The following RAB3GAP2 variants were observed in gnomAD, a reference collection of about 807,000 sequenced individuals.
RAB3GAP2 encodes RAB3 GTPase activating non-catalytic protein subunit 2.
A neutral mutation model predicts 185.3 loss-of-function variants in RAB3GAP2; 87 were observed. The ratio of observed to expected loss-of-function variants is 0.47; its 90% CI spans 0.39 to 0.56. The LOEUF is 0.56. RAB3GAP2 is among the 20% of genes least tolerant of loss of function. The pLI, the probability that RAB3GAP2 is intolerant of heterozygous loss-of-function variation, is 0.00. For missense variants in RAB3GAP2, 1,492 were observed against 1,638.2 expected, an observed-to-expected ratio of 0.91 and a Z score of 1.54; for synonymous variants, 554 against 576.1, an observed-to-expected ratio of 0.96 and a Z score of 0.55.
chr1:220,170,308 C>T (rs554355126), intron 24 of RAB3GAP2, among the ~76,000 whole-genome samples: 32 of 152,202 alleles, frequency 2.1e-4, no homozygotes, highest in African/African-American at 7.7e-4. Context: ...AGGAGAAATA[C>T]CTAATGTCGA....
At chr1:220,244,681 C>G (rs1659763494) in intron 1 of RAB3GAP2, among the ~76,000 whole-genome samples, 1 of 152,154 alleles carries the variant, frequency 6.6e-6, no homozygotes, top group Admixed American at 6.5e-5. Context: ...GTTACCCAAA[C>G]AGCATGGTAC....
intron 21 of RAB3GAP2, 136 bp from the exon 22 acceptor site, chr1:220,172,878 G>A: frequency 1.5e-6 from 1 of 672,178 alleles, no homozygotes; most frequent in East Asian, 2.7e-5. Context: ...GTTGCTTGCT[G>A]TATCATGTAA....
chr1:220,254,600 A>G lies in RAB3GAP2; in HGVS notation c.115+17623T>C, dbSNP rs868031511. The G allele has an allele frequency of 1.5e-4, 196 of 1,310,892 alleles. 1 individual carries two copies. In the Middle Eastern group the frequency reaches 4.3e-3, roughly 29 times the overall value. The allele number at this position is 1,310,892 out of a possible 1,614,324, so 81.2% of individuals were successfully genotyped here. ...GTAAACACATTTTTGTTCTTAGTCT[A>G]TCTCTTGTACAAACAATGTGCTTTG... On this transcript the variant is annotated intron_variant, in intron 1 of 34. Transcript: ENST00000358951.
chr1:220,196,172 C>G, intron 10 of RAB3GAP2, 78 bp downstream of exon 10: 1 of 1,494,088 alleles, frequency 6.7e-7, no homozygotes, highest in Non-Finnish European at 9.3e-7. Context: ...TAAGGCTAAG[C>G]AAGTTACCAT....
chr1:220,212,693 A>G (rs1469549690), intron 4 of RAB3GAP2, among the ~76,000 whole-genome samples, 194 bp downstream of exon 4: 1 of 152,138 alleles, frequency 6.6e-6, no homozygotes, highest in South Asian at 2.1e-4. Context: ...GAGTCTTACT[A>G]TGTTGCCCAG....
chr1:220,232,792 G>T lies in RAB3GAP2; in HGVS notation c.180+7C>A, dbSNP rs749108277. 1 of 1,608,710 alleles carries T rather than the reference G, an allele frequency of 6.2e-7. No homozygotes were observed. The highest frequency in any genetic ancestry group is 1.1e-5 in the South Asian group (1 of 90,942). On this transcript the variant is annotated splice_region_variant and intron_variant, in intron 2 of 34. Transcript: ENST00000358951. ...CAAAAAACATGCATATATTTGTAAA[G>T]ACTTACAGGTTCTTGTGGTTCATTT... is the stretch of plus-strand genomic sequence containing the variant.
intron 1 of RAB3GAP2, among the ~76,000 whole-genome samples, chr1:220,256,476 C>G (rs2667968): frequency 0.46 from 69,398 of 151,800 alleles, 17,937 homozygotes; most frequent in African/African-American, 0.71. Flanking sequence ...TGGATAAAGA[C>G]GCAAAACCTT....
chr1:220,168,777 A>AT (rs1658120145), intron 24 of RAB3GAP2, among the ~76,000 whole-genome samples: 1 of 152,262 alleles, frequency 6.6e-6, no homozygotes, highest in Non-Finnish European at 1.5e-5. Context: ...CAACAGCATT[A>AT]TATCATGTCT....
chr1:220,173,160 G>T (rs1658210878), intron 21 of RAB3GAP2, among the ~76,000 whole-genome samples: 1 of 152,148 alleles, frequency 6.6e-6, no homozygotes, highest in Admixed American at 6.6e-5. Context: ...GCTGTACAAA[G>T]GTATTGCAGA....
intron 7 of RAB3GAP2, among the ~76,000 whole-genome samples, chr1:220,206,788 A>G (rs1330732623): frequency 6.6e-6 from 1 of 152,204 alleles, no homozygotes; most frequent in African/African-American, 2.4e-5. Context: ...TTCTCCTCTC[A>G]GATCTTCACC....
At chr1:220,220,253 G>A (rs564662771) in intron 2 of RAB3GAP2, 2 of 152,170 alleles carry the variant, frequency 1.3e-5, no homozygotes, top group Non-Finnish European at 2.9e-5. Context: ...TAAGCTCCAT[G>A]GCTCTGAGAG....
intron 7 of RAB3GAP2, among the ~76,000 whole-genome samples, chr1:220,209,652 C>T (rs960775889): frequency 6.6e-6 from 1 of 152,088 alleles, no homozygotes; most frequent in Non-Finnish European, 1.5e-5. Context: ...GATTCTTTCA[C>T]AGCTCCAGTC....
At chr1:220,240,730 C>T (rs1659673480) in intron 1 of RAB3GAP2, among the ~76,000 whole-genome samples, 2 of 152,112 alleles carry the variant, frequency 1.3e-5, no homozygotes, top group Admixed American at 1.3e-4. Context: ...ACTGCATCCT[C>T]ATTGATTAGT....
chr1:220,244,054 C>A (rs1024878748), intron 1 of RAB3GAP2, among the ~76,000 whole-genome samples: 1 of 152,252 alleles, frequency 6.6e-6, no homozygotes, highest in Non-Finnish European at 1.5e-5. Flanking sequence ...TGGAAGTCCT[C>A]ACAAGACTAA....
chr1:220,193,482 T>A (rs1658664082), intron 12 of RAB3GAP2, 103 bp from the exon 13 acceptor site: 1 of 1,112,092 alleles, frequency 9.0e-7, no homozygotes. Flanking sequence ...TCTGTTTTTA[T>A]ATAAAGAAAT....
intron 10 of RAB3GAP2, 91 bp downstream of exon 10, chr1:220,196,159 T>C: frequency 7.1e-7 from 1 of 1,418,028 alleles, no homozygotes; most frequent in Non-Finnish European, 9.9e-7. Flanking sequence ...CTGCTTAATC[T>C]TCTAAGGCTA....
chr1:220,250,771 A>G (rs1045987021), intron 1 of RAB3GAP2, among the ~76,000 whole-genome samples: 1 of 152,220 alleles, frequency 6.6e-6, no homozygotes, highest in Non-Finnish European at 1.5e-5. Context: ...AGTTCTCACA[A>G]GAACTGATGG....
At position 220,193,249 on chromosome 1, in the gene RAB3GAP2, T is replaced by C. The variant is rs779330953; in HGVS notation, c.1261A>G (p.Met421Val). The C allele has an allele frequency of 5.0e-6, 8 of 1,613,898 alleles. No homozygotes were observed. Among genetic ancestry groups the C allele is most frequent in the East Asian group, 2.2e-5 (1 of 44,874 alleles). Residue 421 changes from methionine to valine, a missense_variant, in exon 13 of 35, where the codon ATG (methionine) becomes GTG (valine). Met to Val is a conservative substitution (Grantham distance 21). This residue lies in a region of RAB3GAP2 where 681 missense variants were observed against 689.1 expected (regional missense o/e 0.99). Transcript: ENST00000358951. ...TTTTTGTAAGAAGTACCTTTCCACA[T>C]GCGTATTGCAATTCCTCTAGCTACA... ...LDVARGIAIRMWKGYRDAQIG... is the reference protein window; with the variant it reads ...LDVARGIAIRVWKGYRDAQIG...
At chr1:220,250,532 G>A (rs1023397990) in intron 1 of RAB3GAP2, among the ~76,000 whole-genome samples, 4 of 152,212 alleles carry the variant, frequency 2.6e-5, no homozygotes, top group Non-Finnish European at 4.4e-5. Flanking sequence ...TTAAGACTCT[G>A]GGGGACTGTT....
Sources: gnomAD v4.1 joint callset for allele counts (sites outside exome capture counted in the v4.1 genomes callset) on GRCh38, gnomAD v4.1.1 for gene constraint, gnomAD v4.1.1 regional missense constraint, MANE v1.5 for transcripts, NCBI Gene and HGNC (gene_info 2026-07-23, HGNC 2026-07-21) for gene names.